Variants in MARK4 observed in about 807,000 individuals in gnomAD.
MARK4 encodes microtubule affinity regulating kinase 4.
A neutral mutation model predicts 81.5 loss-of-function variants in MARK4; 19 were observed. The observed-to-expected ratio is 0.23, with a 90% confidence interval of 0.16 to 0.34. The LOEUF is 0.34. MARK4 is among the 10% of genes least tolerant of loss of function. The pLI is 1.00. For missense variants in MARK4, 772 were observed against 1,058.8 expected (o/e 0.73, Z 3.76); for synonymous variants, 436 against 439.0 (o/e 0.99, Z 0.08).
At chr19:45,257,427 A>G (rs1303747963) in intron 1 of MARK4, among the ~76,000 whole-genome samples, 1 of 128,836 alleles carries the variant, frequency 7.8e-6, no homozygotes, top group East Asian at 2.1e-4. Context: ...TCTGTCACCC[A>G]GACTGTAGTG....
intron 14 of MARK4, 103 bp downstream of exon 14, chr19:45,294,555 G>A: frequency 1.0e-6 from 1 of 986,130 alleles, no homozygotes; most frequent in Non-Finnish European, 1.5e-6. Flanking sequence ...GGTGCCATGG[G>A]GACCAGAGAG....
chr19:45,266,934 G>A (rs1013785530), intron 7 of MARK4, among the ~76,000 whole-genome samples: 6 of 151,572 alleles, frequency 4.0e-5, no homozygotes, highest in East Asian at 1.9e-4. Flanking sequence ...GGGTTTCACC[G>A]TGTTAGCCAG....
At position 45,297,721 on chromosome 19, in the gene MARK4, C is replaced by A. The variant is rs989448872; in HGVS notation, c.1644C>A (p.Ser548Arg). The A allele has an allele frequency of 1.3e-6, 2 of 1,562,646 alleles. No homozygotes were observed. Among genetic ancestry groups the A allele is most frequent in the African/African-American group, 1.4e-5 (1 of 73,304 alleles). Residue 548 changes from serine (S) to arginine (R), a missense_variant, in exon 15 of 17, where the codon AGC becomes AGA. Coordinates refer to ENST00000262891, the MANE Select transcript of MARK4 (RefSeq NM_001199867.2). Reference protein sequence around the residue: ...RVPPASPSSHSLAPPSGERSR... With the variant: ...RVPPASPSSHRLAPPSGERSR... ...CCCCTGCCTCCCCCTCCAGTCACAG[C>A]CTGGCACCCCCATCAGGGGAGCGGA... is the stretch of plus-strand genomic sequence containing the variant.
At position 45,297,790 on chromosome 19, in the gene MARK4, T is replaced by A; in HGVS notation, c.1713T>A (p.Gly571=). The A allele has an allele frequency of 6.8e-7, 1 of 1,464,196 alleles. No homozygotes were observed. Among genetic ancestry groups the A allele is most frequent in the Non-Finnish European group, 9.2e-7 (1 of 1,087,004 alleles). The allele number at this position is 1,464,196 out of a possible 1,614,324, so 90.7% of individuals were successfully genotyped here. Residue 571 remains glycine, a synonymous_variant, in exon 15 of 17, where the codon GGT becomes GGA. Transcript: ENST00000262891. ...RGSTIRSTFH[G]GQVRDRRAGG... is the part of the protein sequence containing the mutation. ...CCACCATCCGCAGCACCTTCCATGG[T>A]GGCCAGGTCCGGGACCGGCGGGCAG...
chr19:45,294,291 A>G, intron 13 of MARK4, 58 bp from the exon 14 acceptor site: 1 of 1,516,032 alleles, frequency 6.6e-7, no homozygotes, highest in South Asian at 1.1e-5. Context: ...GGGAAGAGGG[A>G]GAAGCTCAGG....
At chr19:45,289,559 C>T (rs972320326) in intron 13 of MARK4, among the ~76,000 whole-genome samples, 5 of 151,614 alleles carry the variant, frequency 3.3e-5, no homozygotes, top group African/African-American at 7.3e-5. Context: ...ATCATGAGGT[C>T]GGGAGTTCGA....
At chr19:45,300,501 A>C (rs898812286) in intron 16 of MARK4, among the ~76,000 whole-genome samples, 1 of 152,170 alleles carries the variant, frequency 6.6e-6, no homozygotes, top group Non-Finnish European at 1.5e-5. Context: ...GTACGGACCC[A>C]GATCATGAAG....
intron 13 of MARK4, among the ~76,000 whole-genome samples, chr19:45,289,005 TCACGGCAGGTTACTA>T (rs1970786683): frequency 6.6e-6 from 1 of 152,152 alleles, no homozygotes. Flanking sequence ...TCGAGGCTGG[TCACGGCAGGTTACTA>T]CCAGTCAAGT....
chr19:45,271,799 G>C lies in MARK4; in HGVS notation c.786+91G>C. The C allele has an allele frequency of 1.6e-6, 2 of 1,241,846 alleles. No homozygotes were observed. The highest frequency in any genetic ancestry group is 2.3e-6 in the Non-Finnish European group (2 of 882,804). 76.9% of individuals were successfully genotyped at this position (1,241,846 alleles called of 1,614,324 possible). A position where few individuals can be genotyped will look rare whatever the true frequency, so the allele number is the denominator to read the frequency against. On this transcript the variant is annotated intron_variant, in intron 8 of 16. Transcript: ENST00000262891. The surrounding 1 kb of genome is among the most constrained non-coding windows in gnomAD (Gnocchi z 4.1). ...CACCTCCCCTGCAGAGGGCCTCAGT[G>C]GTGGGACTGGCCTGAGTTCTCATGG...
chr19:45,255,429 C>T (rs1004419918), intron 1 of MARK4, among the ~76,000 whole-genome samples: 25 of 151,776 alleles, frequency 1.6e-4, no homozygotes, highest in African/African-American at 3.9e-4. Context: ...GTTGTGGTGG[C>T]GGGCGTCTGT....
intron 1 of MARK4, 96 bp downstream of exon 1, chr19:45,251,735 G>A: frequency 1.7e-6 from 2 of 1,199,108 alleles, no homozygotes; most frequent in Admixed American, 3.1e-5. Context: ...CCCTACCCTC[G>A]TTTCCTGGGC....
At chr19:45,293,039 G>A (rs369743595) in intron 13 of MARK4, among the ~76,000 whole-genome samples, 3 of 152,104 alleles carry the variant, frequency 2.0e-5, no homozygotes, top group Middle Eastern at 3.2e-3. Flanking sequence ...AGGCTGAGGC[G>A]GGTGGATCAC....
chr19:45,294,433 C>T lies in MARK4; in HGVS notation c.1579C>T (p.Pro527Ser), dbSNP rs201834748. The change falls in exon 14 of 17, where the codon CCA becomes TCA. Residue 527 changes from proline (P) to serine (S), a missense_variant. By Grantham distance (74) the Pro-to-Ser change is moderately conservative. Coordinates refer to ENST00000262891, the MANE Select transcript of MARK4 (RefSeq NM_001199867.2). The part of the protein sequence containing the change: ...RPGAERPSLL[P>S]NGKENSSGTP... ...GGGGGCTGAGCGCCCGTCACTGTTGCCAAATGGGAAAGAAAACAGGTACGG... is the reference window on the plus strand; with the variant it reads ...GGGGGCTGAGCGCCCGTCACTGTTGTCAAATGGGAAAGAAAACAGGTACGG... 4.3e-6 allele frequency: 7 copies of T among 1,613,908 alleles called. No individual in the cohort carries two copies. The highest frequency in any genetic ancestry group is 5.1e-6 in the Non-Finnish European group (6 of 1,180,012).
At chr19:45,257,797 CT>C (rs946102085) in intron 1 of MARK4, among the ~76,000 whole-genome samples, 4 of 151,330 alleles carry the variant, frequency 2.6e-5, no homozygotes, top group African/African-American at 9.7e-5. Flanking sequence ...TCATGCCATT[CT>C]CCTGCCTCAG....
At chr19:45,277,811 T>C (rs1485723571) in intron 8 of MARK4, 112 bp from the exon 9 acceptor site, 3 of 1,270,488 alleles carry the variant, frequency 2.4e-6, no homozygotes, top group Non-Finnish European at 3.1e-6. Context: ...ATCAAAGGGG[T>C]TGGGACAAAG....
At chr19:45,280,512 C>A in intron 11 of MARK4, 29 bp downstream of exon 11, 1 of 1,613,970 alleles carries the variant, frequency 6.2e-7, no homozygotes, top group East Asian at 2.2e-5. Flanking sequence ...CCCTTGGGGA[C>A]GCGTGATGCC....
rs113774437 is a variant in MARK4, at chr19:45,278,110, C to T, written c.906+68C>T. 8.0e-4 allele frequency: 1,270 copies of T among 1,588,932 alleles called. 20 individuals carry two copies. In the African/African-American group the frequency reaches 0.015, roughly 18 times the overall value. ...TGACTCCCCTAAACTCTGCCTGCCCCCACCCACAAAAGCCTTCTTGACACA... is the reference window on the plus strand; with the variant it reads ...TGACTCCCCTAAACTCTGCCTGCCCTCACCCACAAAAGCCTTCTTGACACA... On this transcript the variant is annotated intron_variant, in intron 9 of 16. Coordinates refer to ENST00000262891, the MANE Select transcript of MARK4 (RefSeq NM_001199867.2).
chr19:45,285,070 G>A (rs1312741542), intron 12 of MARK4, among the ~76,000 whole-genome samples: 1 of 151,834 alleles, frequency 6.6e-6, no homozygotes, highest in Non-Finnish European at 1.5e-5. Context: ...CAGCCTGGGC[G>A]GCAACAGCAA....
intron 1 of MARK4, among the ~76,000 whole-genome samples, chr19:45,253,969 G>A (rs1352182465): frequency 6.6e-6 from 1 of 152,166 alleles, no homozygotes; most frequent in South Asian, 2.1e-4. Context: ...GCGGATTTGA[G>A]GATGGCTAAT....
Sources: allele counts gnomAD v4.1 joint callset (sites outside exome capture counted in the v4.1 genomes callset), GRCh38; gene constraint gnomAD v4.1.1; non-coding constraint Gnocchi (gnomAD v3.1); transcripts MANE v1.5; gene names NCBI Gene and HGNC (gene_info 2026-07-23, HGNC 2026-07-21).